The following PYGL variants were observed in gnomAD, a reference collection of about 807,000 sequenced individuals.
PYGL encodes glycogen phosphorylase L.
PYGL carries 90 observed loss-of-function variants against 100.1 expected under a neutral mutation model. That is an observed-to-expected ratio of 0.90 (90% CI 0.76 to 1.07). The LOEUF (loss-of-function observed/expected upper bound fraction) is 1.07. Among genes scored for constraint, PYGL ranks in the 50% least tolerant of loss-of-function variants. The pLI is 0.00. For synonymous variants in PYGL, 373 were observed against 393.0 expected (o/e 0.95, Z 0.60); for missense variants, 1,016 against 1,057.6 (o/e 0.96, Z 0.55).
At chr14:50,936,862 G>T (rs1245881905) in intron 2 of PYGL, among the ~76,000 whole-genome samples, 6 of 152,142 alleles carry the variant, frequency 3.9e-5, no homozygotes, top group African/African-American at 1.4e-4. Context: ...CTGGCTATAG[G>T]CTACTCCAAG....
intron 3 of PYGL, 125 bp downstream of exon 3, chr14:50,934,982 A>T: frequency 1.2e-6 from 1 of 853,436 alleles, no homozygotes; most frequent in Non-Finnish European, 2.0e-6. Flanking sequence ...AAATACATCT[A>T]CAACCAGGTC....
intron 10 of PYGL, 68 bp downstream of exon 10, chr14:50,915,757 C>G (rs1240550636): frequency 1.3e-6 from 2 of 1,559,814 alleles, no homozygotes; most frequent in African/African-American, 1.4e-5. Context: ...AGAGGGAACA[C>G]TGTAGCCATC....
intron 1 of PYGL, among the ~76,000 whole-genome samples, chr14:50,940,756 T>A (rs2050695663): frequency 6.6e-6 from 1 of 152,260 alleles, no homozygotes; most frequent in South Asian, 2.1e-4. Context: ...AAAAAGTGGA[T>A]ATTTTCAAAA....
rs370557559 is a variant in PYGL at position 50,913,253 on chromosome 14, TG to T, written c.1519-124del. The T allele has an allele frequency of 3.2e-4, 246 of 777,100 alleles. 2 individuals are homozygous for T. The East Asian group carries it at 6.6e-3, about 21-fold the overall frequency. The allele number at this position is 777,100 out of a possible 1,614,324, so 48.1% of individuals were successfully genotyped here. On this transcript the variant is annotated intron_variant, in intron 12 of 19. Transcript: ENST00000216392. ...TGTAGTTCACGTATCACACAGAACA[TG>T]GGATAGTTTGACTCAAAGAAGAGTC...
chr14:50,909,990 A>C lies in PYGL; in HGVS notation c.2082T>G (p.Asp694Glu). 1 of 1,614,164 alleles carries C rather than the reference A, an allele frequency of 6.2e-7. No individual in the cohort carries two copies. Among genetic ancestry groups the C allele is most frequent in the African/African-American group, 1.3e-5 (1 of 75,024 alleles). Residue 694 changes from aspartate (D) to glutamate (E), a missense_variant, in exon 17 of 20, where the codon GAT becomes GAG. By Grantham distance (45) the Asp-to-Glu change is conservative. Coordinates refer to ENST00000216392, the MANE Select transcript of PYGL (RefSeq NM_002863.5). ...CTTCTGCCATTTCCACATTGGCCCC[A>C]TCCATGGTCCCGATAGTTAGGGCCC... is the stretch of plus-strand genomic sequence containing the variant. ...LNGALTIGTM[D>E]GANVEMAEEA... is the part of the protein sequence containing the mutation.
intron 17 of PYGL, 74 bp from the exon 18 acceptor site, chr14:50,909,029 A>T: frequency 6.9e-7 from 1 of 1,457,640 alleles, no homozygotes; most frequent in South Asian, 1.2e-5. Context: ...CACACTAGAC[A>T]CTGCATTCAC....
chr14:50,930,078 A>G (rs2050589315), intron 4 of PYGL, among the ~76,000 whole-genome samples: 1 of 152,096 alleles, frequency 6.6e-6, no homozygotes, highest in African/African-American at 2.4e-5. Flanking sequence ...TATATCCTCT[A>G]CTTATAGGTA....
At chr14:50,937,423 G>C (rs1010122018) in intron 2 of PYGL, among the ~76,000 whole-genome samples, 3 of 151,950 alleles carry the variant, frequency 2.0e-5, no homozygotes. Flanking sequence ...GATAGCAGAA[G>C]ACTCAAGTAC....
intron 19 of PYGL, among the ~76,000 whole-genome samples, chr14:50,907,131 G>T (rs1377999124): frequency 1.3e-5 from 2 of 152,164 alleles, no homozygotes; most frequent in Non-Finnish European, 2.9e-5. Flanking sequence ...CACAGCTAGA[G>T]AGTTGTTTGA....
chr14:50,944,461 G>C lies in PYGL; in HGVS notation c.-58C>G, dbSNP rs944815331. The C allele has an allele frequency of 1.6e-5, 25 of 1,532,468 alleles. No homozygotes were observed. Among genetic ancestry groups the C allele is most frequent in the Non-Finnish European group, 2.1e-5 (24 of 1,142,684 alleles). 94.9% of individuals were successfully genotyped at this position (1,532,468 alleles called of 1,614,324 possible). A position where few individuals can be genotyped will look rare whatever the true frequency, so the allele number is the denominator to read the frequency against. ...CAGAGAGCTGGAAGTGCGGCCGGAG[G>C]CGCTGGGCTGCCGGGCAGGGGTGGA... is the stretch of plus-strand genomic sequence containing the variant. On this transcript the variant is annotated 5_prime_UTR_variant, in exon 1 of 20. Coordinates refer to ENST00000216392, the MANE Select transcript of PYGL (RefSeq NM_002863.5).
Position 50,920,630 on chromosome 14 carries a change from G to A in PYGL, c.773-7C>T, listed in dbSNP as rs920328938. 1.3e-5 allele frequency: 21 copies of A among 1,597,788 alleles called. No homozygotes were observed. The highest frequency in any genetic ancestry group is 1.8e-5 in the Non-Finnish European group (21 of 1,165,342). On this transcript the variant is annotated splice_region_variant and splice_polypyrimidine_tract_variant and intron_variant, in intron 6 of 19. Coordinates refer to ENST00000216392, the MANE Select transcript of PYGL (RefSeq NM_002863.5). The stretch of plus-strand genomic sequence containing the variant: ...ATGTAGTCTCCAACATTAACTAGGG[G>A]AAAGTTAGAGAAACAATAAATAGAG...
intron 3 of PYGL, among the ~76,000 whole-genome samples, chr14:50,934,431 T>C (rs1190727177): frequency 1.3e-5 from 2 of 152,084 alleles, no homozygotes; most frequent in Non-Finnish European, 2.9e-5. Flanking sequence ...GAACAAATAA[T>C]AGTGAAGTAA....
At chr14:50,923,543 T>G (rs1187300274) in intron 5 of PYGL, 1 of 177,054 alleles carries the variant, frequency 5.6e-6, no homozygotes, top group Non-Finnish European at 1.2e-5. Context: ...CCGCTTCGGC[T>G]TCCCAAAGTG....
chr14:50,909,295 T>G (rs945760543), intron 17 of PYGL, among the ~76,000 whole-genome samples: 1 of 152,202 alleles, frequency 6.6e-6, no homozygotes, highest in African/African-American at 2.4e-5. Flanking sequence ...GTAGATCAGT[T>G]GCTTTTTGGA....
At chr14:50,914,672 C>G (rs747562633) in intron 12 of PYGL, 29 bp downstream of exon 12, 1 of 1,559,866 alleles carries the variant, frequency 6.4e-7, no homozygotes, top group Non-Finnish European at 8.8e-7. Context: ...CGAGTCAGGC[C>G]TCCTTTCCTC....
At chr14:50,914,977 T>C (rs1462000404) in intron 11 of PYGL, among the ~76,000 whole-genome samples, 162 bp from the exon 12 acceptor site, 1 of 152,196 alleles carries the variant, frequency 6.6e-6, no homozygotes, top group Non-Finnish European at 1.5e-5. Context: ...GTCATTTAAA[T>C]AGAAATTCAT....
chr14:50,911,624 TCTATC>T lies in PYGL; in HGVS notation c.1969+101_1969+105del, dbSNP rs1280144873. The T allele has an allele frequency of 8.3e-6, 12 of 1,438,840 alleles. No homozygotes were observed. In the Middle Eastern group the frequency reaches 5.4e-4, roughly 64 times the overall value. The allele number at this position is 1,438,840 out of a possible 1,614,324, so 89.1% of individuals were successfully genotyped here. A position where few individuals can be genotyped will look rare whatever the true frequency, so the allele number is the denominator to read the frequency against. On this transcript the variant is annotated intron_variant, in intron 16 of 19. Transcript: ENST00000216392. ...CTTATTCTGCACAAGAGTGACACCTTCTATCCTAAGTTACTAGCTCCTGGAGGTTG... is the reference window on the plus strand; with the variant it reads ...CTTATTCTGCACAAGAGTGACACCTTCTAAGTTACTAGCTCCTGGAGGTTG...
intron 3 of PYGL, among the ~76,000 whole-genome samples, chr14:50,933,745 T>G (rs1175626728): frequency 6.6e-6 from 1 of 151,990 alleles, no homozygotes; most frequent in African/African-American, 2.4e-5. Context: ...ATTATATACA[T>G]ATGTACACAC....
chr14:50,923,455 T>C (rs55943056), intron 5 of PYGL: 38,057 of 156,366 alleles, frequency 0.24, 5,276 homozygotes, highest in East Asian at 0.52. Context: ...TCCTGGCTAA[T>C]TTTCGTATTT....
Sources: allele counts gnomAD v4.1 joint callset (sites outside exome capture counted in the v4.1 genomes callset), GRCh38; gene constraint gnomAD v4.1.1; transcripts MANE v1.5; gene names NCBI Gene and HGNC (gene_info 2026-07-23, HGNC 2026-07-21).